The following ADGRL3 variants were observed in gnomAD, a reference collection of about 807,000 sequenced individuals.
ADGRL3 encodes the protein adhesion G protein-coupled receptor L3.
Under a neutral mutation model 153.5 loss-of-function variants are expected in ADGRL3, and 62 were observed. That is an observed-to-expected ratio of 0.40 (90% confidence interval 0.33 to 0.50). ADGRL3 has a LOEUF of 0.50. ADGRL3 is among the 20% of genes least tolerant of loss of function. The probability of loss-of-function intolerance (pLI) is 0.47; values close to 1 mark genes in which losing one functional copy is unlikely to be tolerated. For missense variants in ADGRL3, 1,641 were observed against 1,859.4 expected, an observed-to-expected ratio of 0.88 and a Z score of 2.16; for synonymous variants, 710 against 672.5, an observed-to-expected ratio of 1.06 and a Z score of -0.86.
intron 2 of ADGRL3, among the ~76,000 whole-genome samples, chr4:61,482,708 A>G (rs1352226259): frequency 6.6e-6 from 1 of 152,172 alleles, no homozygotes; most frequent in African/African-American, 2.4e-5. Flanking sequence ...CATTTTAGGA[A>G]ATGTTATAAT....
intron 19 of ADGRL3, among the ~76,000 whole-genome samples, chr4:61,991,566 G>T (rs972433626): frequency 1.3e-5 from 2 of 151,848 alleles, no homozygotes; most frequent in African/African-American, 4.8e-5. Flanking sequence ...TTAATTCTAA[G>T]ATCCAAAACT....
At chr4:61,840,348 G>A (rs1453405816) in intron 9 of ADGRL3, among the ~76,000 whole-genome samples, 2 of 152,198 alleles carry the variant, frequency 1.3e-5, no homozygotes, top group East Asian at 3.8e-4. Flanking sequence ...CCAAAGTGCT[G>A]GGATTACAGG....
intron 2 of ADGRL3, among the ~76,000 whole-genome samples, chr4:61,436,303 GA>G (rs1450935036): frequency 6.6e-6 from 1 of 152,068 alleles, no homozygotes; most frequent in African/African-American, 2.4e-5. Flanking sequence ...CAAATATTAG[GA>G]AAAAACTGAA....
chr4:61,789,767 T>G (rs1396484470), intron 8 of ADGRL3, among the ~76,000 whole-genome samples: 1 of 152,198 alleles, frequency 6.6e-6, no homozygotes, highest in Non-Finnish European at 1.5e-5. Flanking sequence ...TGCCAAAATA[T>G]GCTTATATAC....
intron 6 of ADGRL3, among the ~76,000 whole-genome samples, chr4:61,700,528 G>A (rs533054821): frequency 1.1e-4 from 17 of 152,266 alleles, no homozygotes; most frequent in African/African-American, 3.6e-4. Flanking sequence ...GATGAATGCC[G>A]TACTATGGAT....
chr4:61,870,577 A>G (rs944268629), intron 9 of ADGRL3, among the ~76,000 whole-genome samples: 7 of 151,222 alleles, frequency 4.6e-5, no homozygotes, highest in African/African-American at 1.7e-4. Context: ...TATATTCAAA[A>G]TATATAAAGA....
chr4:61,358,224 C>A (rs2096213812), intron 1 of ADGRL3, among the ~76,000 whole-genome samples: 1 of 152,114 alleles, frequency 6.6e-6, no homozygotes, highest in Non-Finnish European at 1.5e-5. Flanking sequence ...AACACAGAAG[C>A]CAGAATGTTC....
chr4:61,416,628 T>C (rs1578734090), intron 2 of ADGRL3, among the ~76,000 whole-genome samples: 1 of 152,246 alleles, frequency 6.6e-6, no homozygotes, highest in Non-Finnish European at 1.5e-5. Context: ...ATATGATCAG[T>C]GGATTTTTTT....
intron 1 of ADGRL3, among the ~76,000 whole-genome samples, chr4:61,376,857 G>C (rs1458566768): frequency 2.0e-5 from 3 of 152,080 alleles, no homozygotes; most frequent in Non-Finnish European, 4.4e-5. Flanking sequence ...GTCAATCTTC[G>C]GCTAAACTTG....
intron 1 of ADGRL3, among the ~76,000 whole-genome samples, chr4:61,256,551 A>G (rs2149504555): frequency 6.6e-6 from 1 of 152,278 alleles, no homozygotes; most frequent in African/African-American, 2.4e-5. Flanking sequence ...AAATCCTTCA[A>G]GATAAATTTT....
intron 4 of ADGRL3, among the ~76,000 whole-genome samples, chr4:61,542,429 A>G (rs765380623): frequency 6.6e-6 from 1 of 152,368 alleles, no homozygotes; most frequent in South Asian, 2.1e-4. Context: ...ATTTCTGTCC[A>G]TAATAGATAA....
At chr4:61,527,432 T>C (rs1360643447) in intron 4 of ADGRL3, among the ~76,000 whole-genome samples, 1 of 152,018 alleles carries the variant, frequency 6.6e-6, no homozygotes, top group Non-Finnish European at 1.5e-5. Context: ...ACTGAAAAGG[T>C]ACTTGTGTGA....
chr4:61,406,561 A>G (rs1412050689), intron 2 of ADGRL3, among the ~76,000 whole-genome samples: 6 of 151,858 alleles, frequency 4.0e-5, no homozygotes, highest in Non-Finnish European at 8.8e-5. Context: ...ATAAAAAACT[A>G]AGTGGGATGT....
At chr4:61,538,451 T>A (rs1291706752) in intron 4 of ADGRL3, among the ~76,000 whole-genome samples, 1 of 152,170 alleles carries the variant, frequency 6.6e-6, no homozygotes, top group Non-Finnish European at 1.5e-5. Context: ...TGTTTGTTTT[T>A]TTGTTGAGAT....
intron 1 of ADGRL3, among the ~76,000 whole-genome samples, chr4:61,215,702 C>A (rs941209884): frequency 1.3e-5 from 2 of 151,826 alleles, no homozygotes; most frequent in Non-Finnish European, 2.9e-5. Flanking sequence ...CAGGCGCCCG[C>A]CACCACGCCC....
chr4:61,939,186 G>A (rs771295668), intron 15 of ADGRL3, among the ~76,000 whole-genome samples: 5 of 152,140 alleles, frequency 3.3e-5, no homozygotes, highest in Non-Finnish European at 5.9e-5. Context: ...TGACAGTTGA[G>A]TTTTAAGACA....
At chr4:61,293,809 T>A (rs2094310976) in intron 1 of ADGRL3, among the ~76,000 whole-genome samples, 1 of 152,164 alleles carries the variant, frequency 6.6e-6, no homozygotes, top group Non-Finnish European at 1.5e-5. Context: ...GGGAATAGAT[T>A]TAAATCCTAG....
At chr4:61,452,080 G>T (rs905199606) in intron 2 of ADGRL3, among the ~76,000 whole-genome samples, 14 of 151,686 alleles carry the variant, frequency 9.2e-5, no homozygotes, top group African/African-American at 3.4e-4. Flanking sequence ...GTTGCATGGA[G>T]TGTGGCTGCT....
chr4:61,846,840 G>T (rs562427672), intron 9 of ADGRL3, among the ~76,000 whole-genome samples: 54 of 151,892 alleles, frequency 3.6e-4, no homozygotes, highest in African/African-American at 1.3e-3. Flanking sequence ...AGCAAGGTGG[G>T]GTGGGGCGGG....
Sources: gnomAD v4.1 joint callset for allele counts (sites outside exome capture counted in the v4.1 genomes callset) on GRCh38, gnomAD v4.1.1 for gene constraint, MANE v1.5 for transcripts, NCBI Gene and HGNC (gene_info 2026-07-23, HGNC 2026-07-21) for gene names.